The following GPAT3 variants were observed in gnomAD, a reference collection of about 807,000 sequenced individuals.
GPAT3 encodes 1-AGP acyltransferase 9.
A neutral mutation model predicts 58.8 loss-of-function variants in GPAT3; 53 were observed. The observed-to-expected ratio is 0.90, with a 90% confidence interval of 0.72 to 1.13. The LOEUF (loss-of-function observed/expected upper bound fraction) is 1.13. GPAT3 is among the 50% of genes most tolerant of loss of function. GPAT3 has a pLI of 0.00. For missense variants in GPAT3, 511 were observed against 527.6 expected (o/e 0.97, Z 0.31); for synonymous variants, 197 against 187.4 (o/e 1.05, Z -0.42).
At chr4:83,549,166 G>GAAAAA (rs36115990) in intron 2 of GPAT3, among the ~76,000 whole-genome samples, 4 of 128,094 alleles carry the variant, frequency 3.1e-5, no homozygotes, top group Non-Finnish European at 5.0e-5. Context: ...AGACCCATCT[G>GAAAAA]AAAAAAAAAA....
chr4:83,546,533 G>A (rs752421003), intron 2 of GPAT3, among the ~76,000 whole-genome samples: 27 of 152,192 alleles, frequency 1.8e-4, no homozygotes, highest in Non-Finnish European at 3.5e-4. Context: ...GAATGGAAGT[G>A]AACAGGAGGA....
At chr4:83,548,189 G>A (rs1169890156) in intron 2 of GPAT3, among the ~76,000 whole-genome samples, 1 of 152,138 alleles carries the variant, frequency 6.6e-6, no homozygotes, top group African/African-American at 2.4e-5. Flanking sequence ...AGGAATAATG[G>A]CTCGTTTGCT....
At chr4:83,566,204 A>T (rs1035755810) in intron 2 of GPAT3, among the ~76,000 whole-genome samples, 2 of 151,882 alleles carry the variant, frequency 1.3e-5, no homozygotes, top group African/African-American at 4.8e-5. Flanking sequence ...TCTCTTTCCC[A>T]CATTTTTGTA....
At chr4:83,556,071 TACA>T (rs2110079000) in intron 2 of GPAT3, among the ~76,000 whole-genome samples, 1 of 152,344 alleles carries the variant, frequency 6.6e-6, no homozygotes, top group Admixed American at 6.5e-5. Context: ...TATTTAGCAT[TACA>T]ATCAAAGATA....
chr4:83,536,187 C>T lies in GPAT3; in HGVS notation c.-436C>T. 1.0e-6 allele frequency: 1 copy of T among 986,868 alleles called. No homozygotes were observed. Among genetic ancestry groups the T allele is most frequent in the Non-Finnish European group, 1.2e-6 (1 of 830,910 alleles). 61.1% of individuals were successfully genotyped at this position (986,868 alleles called of 1,614,324 possible). A position where few individuals can be genotyped will look rare whatever the true frequency, so the allele number is the denominator to read the frequency against. Reference sequence around the variant, plus strand: ...AAAGTGCGGTGCTCCCGCAGGGAACCTGGCTCGGGGAGGGCCTCCGTGAGT... The same window carrying T: ...AAAGTGCGGTGCTCCCGCAGGGAACTTGGCTCGGGGAGGGCCTCCGTGAGT... On this transcript the variant is annotated 5_prime_UTR_variant, in exon 1 of 12. Transcript: ENST00000264409.
chr4:83,571,149 T>A (rs1475128448), intron 2 of GPAT3, among the ~76,000 whole-genome samples: 1 of 152,232 alleles, frequency 6.6e-6, no homozygotes, highest in Non-Finnish European at 1.5e-5. Flanking sequence ...AGTGGATTTT[T>A]AAAAATAATT....
chr4:83,563,247 C>G (rs186793269), intron 2 of GPAT3, among the ~76,000 whole-genome samples: 1 of 152,240 alleles, frequency 6.6e-6, no homozygotes, highest in Admixed American at 6.5e-5. Context: ...TTGGGTTTTA[C>G]TCATCGTTTT....
At chr4:83,587,234 G>A in intron 3 of GPAT3, 21 bp from the exon 4 acceptor site, 1 of 1,604,338 alleles carries the variant, frequency 6.2e-7, no homozygotes, top group Non-Finnish European at 8.5e-7. Flanking sequence ...ATCTTATATG[G>A]CCCTCTCTTT....
At chr4:83,593,750 T>C (rs573455934) in intron 6 of GPAT3, among the ~76,000 whole-genome samples, 3 of 152,338 alleles carry the variant, frequency 2.0e-5, no homozygotes, top group African/African-American at 7.2e-5. Context: ...TGTAGTCAGA[T>C]ACTGTCTTTG....
In GPAT3 at chr4:83,550,501, C is replaced by T. The variant is rs146833235; in HGVS notation, c.208+5899C>T. Among the ~76,000 whole-genome samples, 712 of 152,194 alleles carry T rather than the reference C, an allele frequency of 4.7e-3. 8 individuals carry two copies. Among genetic ancestry groups the T allele is most frequent in the African/African-American group, 0.016 (673 of 41,512 alleles). On this transcript the variant is annotated intron_variant, in intron 2 of 11. Transcript: ENST00000264409. ...CCATATCACGAGATTCAACATTTGT[C>T]GAGATTTTGCCATGCTTGATTCATT...
chr4:83,587,040 C>G (rs1030882060), intron 3 of GPAT3, among the ~76,000 whole-genome samples: 1 of 152,182 alleles, frequency 6.6e-6, no homozygotes, highest in Non-Finnish European at 1.5e-5. Flanking sequence ...GTACTTTATT[C>G]TGAAACTTAC....
chr4:83,578,937 CTTTTCTTTTCT>C (rs1374215868), intron 2 of GPAT3, among the ~76,000 whole-genome samples: 1 of 2,400 alleles, frequency 4.2e-4, no homozygotes, highest in Non-Finnish European at 9.6e-4. Context: ...TTCTTTCTTT[CTTTTCTTTTCT>C]TTTCTTTCTT....
intron 2 of GPAT3, among the ~76,000 whole-genome samples, chr4:83,559,849 TGGAA>T: frequency 6.6e-6 from 1 of 152,148 alleles, no homozygotes; most frequent in Non-Finnish European, 1.5e-5. Context: ...GCTGGGGAGA[TGGAA>T]GTAGATAGCA....
At chr4:83,569,661 G>A (rs774623639) in intron 2 of GPAT3, among the ~76,000 whole-genome samples, 5 of 152,174 alleles carry the variant, frequency 3.3e-5, no homozygotes, top group Admixed American at 3.3e-4. Flanking sequence ...AGGGCAGAAC[G>A]GTCTCCTTGG....
intron 2 of GPAT3, among the ~76,000 whole-genome samples, chr4:83,573,720 A>T (rs1268546098): frequency 6.6e-6 from 1 of 152,222 alleles, no homozygotes; most frequent in African/African-American, 2.4e-5. Context: ...TTCTCATGCC[A>T]GGAAAAGGAC....
At chr4:83,576,351 C>A (rs1323333171) in intron 2 of GPAT3, among the ~76,000 whole-genome samples, 1 of 151,942 alleles carries the variant, frequency 6.6e-6, no homozygotes, top group Non-Finnish European at 1.5e-5. Context: ...AGAGAAAAAG[C>A]TCGTTAAGGT....
At chr4:83,593,164 G>T (rs1363909655) in intron 6 of GPAT3, among the ~76,000 whole-genome samples, 3 of 103,968 alleles carry the variant, frequency 2.9e-5, no homozygotes, top group Non-Finnish European at 2.3e-5. Flanking sequence ...ACCGAGCCAG[G>T]ACTTTTTTTT....
chr4:83,545,261 C>T lies in GPAT3; in HGVS notation c.208+659C>T, dbSNP rs147846178. 8.9e-3 allele frequency among the ~76,000 whole-genome samples: 1,357 copies of T among 152,028 alleles called. 21 individuals carry two copies. The highest frequency in any genetic ancestry group is 0.031 in the African/African-American group (1,300 of 41,474). On this transcript the variant is annotated intron_variant, in intron 2 of 11. Coordinates refer to ENST00000264409, the MANE Select transcript of GPAT3 (RefSeq NM_032717.5). ...TTCAAGACCAGCCTGGGCAACATGG[C>T]GAAACCCTGTCTCTACAAAAAATAC... is the stretch of plus-strand genomic sequence containing the variant.
chr4:83,603,001 A>G (rs919948482), intron 11 of GPAT3, among the ~76,000 whole-genome samples: 3 of 152,188 alleles, frequency 2.0e-5, no homozygotes, highest in Admixed American at 6.5e-5. Flanking sequence ...TCTAGAAGCC[A>G]GAACATTGCA....
Sources: gnomAD v4.1 joint callset for allele counts (sites outside exome capture counted in the v4.1 genomes callset) on GRCh38, gnomAD v4.1.1 for gene constraint, MANE v1.5 for transcripts, NCBI Gene and HGNC (gene_info 2026-07-23, HGNC 2026-07-21) for gene names.